The following ACTR3B variants were observed in gnomAD, a reference collection of about 807,000 sequenced individuals.
The protein encoded by ACTR3B is actin related protein 3B, also known as actin-related protein 3B.
In ACTR3B, 8 loss-of-function variants were observed where a neutral mutation model predicts 59.0. The observed-to-expected ratio is 0.14, with a 90% CI of 0.08 to 0.24. ACTR3B has a LOEUF of 0.24. Ranked by LOEUF, ACTR3B falls within the 10% of genes least tolerant of loss-of-function variation. The probability of loss-of-function intolerance (pLI) is 1.00; values close to 1 mark genes in which losing one functional copy is unlikely to be tolerated. For missense variants in ACTR3B, 245 were observed against 552.3 expected (o/e 0.44, Z 5.58); for synonymous variants, 148 against 197.9 (o/e 0.75, Z 2.12).
intron 9 of ACTR3B, 28 bp downstream of exon 9, chr7:152,825,150 G>A (rs776705537): frequency 1.9e-6 from 3 of 1,601,664 alleles, no homozygotes; most frequent in Non-Finnish European, 2.6e-6. Flanking sequence ...AAGGTACTTT[G>A]ATTTCATTCC....
chr7:152,799,587 G>A (rs2098228147), intron 2 of ACTR3B, among the ~76,000 whole-genome samples: 1 of 152,210 alleles, frequency 6.6e-6, no homozygotes, highest in Admixed American at 6.5e-5. Context: ...CTGATGTCAA[G>A]GAATCTATAG....
At chr7:152,847,519 C>T (rs576512308) in intron 9 of ACTR3B, among the ~76,000 whole-genome samples, 1 of 152,294 alleles carries the variant, frequency 6.6e-6, no homozygotes, top group African/African-American at 2.4e-5. Flanking sequence ...CCTTAGAAAC[C>T]CACACCCCTG....
intron 2 of ACTR3B, among the ~76,000 whole-genome samples, chr7:152,800,244 T>A (rs1348092625): frequency 1.3e-5 from 2 of 152,278 alleles, no homozygotes; most frequent in Non-Finnish European, 2.9e-5. Flanking sequence ...TCTTGAGGGA[T>A]TTTTCCAGAT....
At chr7:152,806,442 A>G (rs2098252332) in intron 4 of ACTR3B, among the ~76,000 whole-genome samples, 1 of 152,252 alleles carries the variant, frequency 6.6e-6, no homozygotes, top group Admixed American at 6.5e-5. Flanking sequence ...TAATAGAAGT[A>G]TAAAAGCAGT....
intron 9 of ACTR3B, among the ~76,000 whole-genome samples, chr7:152,842,197 T>C (rs1275243745): frequency 6.6e-6 from 1 of 152,212 alleles, no homozygotes; most frequent in African/African-American, 2.4e-5. Context: ...TATACGATCT[T>C]TTTTTCCTGT....
intron 2 of ACTR3B, among the ~76,000 whole-genome samples, chr7:152,797,624 T>C (rs2098221865): frequency 6.6e-6 from 1 of 152,184 alleles, no homozygotes; most frequent in Non-Finnish European, 1.5e-5. Flanking sequence ...TCTCTTGTAA[T>C]TTATTTCTCC....
At chr7:152,798,633 C>T (rs2098225225) in intron 2 of ACTR3B, among the ~76,000 whole-genome samples, 1 of 152,140 alleles carries the variant, frequency 6.6e-6, no homozygotes, top group African/African-American at 2.4e-5. Context: ...TTACCGTTTT[C>T]TTCTAATAGT....
intron 2 of ACTR3B, among the ~76,000 whole-genome samples, chr7:152,800,260 T>G (rs2098230843): frequency 6.6e-6 from 1 of 152,278 alleles, no homozygotes; most frequent in Non-Finnish European, 1.5e-5. Flanking sequence ...CAGATAAAAC[T>G]GAGAAATTTT....
At chr7:152,781,726 A>G (rs2098154567) in intron 1 of ACTR3B, among the ~76,000 whole-genome samples, 3 of 152,152 alleles carry the variant, frequency 2.0e-5, no homozygotes, top group Admixed American at 2.0e-4. Context: ...AAAATTGGGA[A>G]GGATCTGGAA....
intron 7 of ACTR3B, among the ~76,000 whole-genome samples, chr7:152,822,374 C>T (rs917256444): frequency 3.9e-5 from 6 of 152,186 alleles, no homozygotes; most frequent in Non-Finnish European, 5.9e-5. Flanking sequence ...TGCTGCTATG[C>T]GGAGGCCAGC....
rs374175682 is a variant in ACTR3B, at chr7:152,823,418, A to G, written c.761A>G (p.Lys254Arg). The G allele has an allele frequency of 6.8e-6, 11 of 1,614,154 alleles. No individual in the cohort carries two copies. The highest frequency in any genetic ancestry group is 5.3e-5 in the African/African-American group (4 of 74,952). ...GATGTGGATCCCCGGAAGTGGATCA[A>G]ACAGTACACGGGTATCAATGCGATC... ...KYDVDPRKWI[K>R]QYTGINAINQ... Residue 254 changes from lysine (K) to arginine (R), a missense_variant, in exon 8 of 12, where the codon AAA becomes AGA. Lys to Arg is a conservative substitution (Grantham distance 26). Coordinates refer to ENST00000256001, the MANE Select transcript of ACTR3B (RefSeq NM_020445.6).
intron 9 of ACTR3B, among the ~76,000 whole-genome samples, chr7:152,847,400 A>C (rs1798437262): frequency 6.6e-6 from 1 of 152,200 alleles, no homozygotes; most frequent in South Asian, 2.1e-4. Context: ...CTGAAGGAAG[A>C]AAGGAATTCA....
At position 152,779,285 on chromosome 7, in the gene ACTR3B, G is replaced by A. The variant is rs918124343; in HGVS notation, c.45-3902G>A. Among the ~76,000 whole-genome samples, 6 of 152,038 alleles carry A rather than the reference G, an allele frequency of 3.9e-5. No homozygotes were observed. In the East Asian group the frequency reaches 5.8e-4, roughly 15 times the overall value. On this transcript the variant is annotated intron_variant, in intron 1 of 11. Coordinates refer to ENST00000256001, the MANE Select transcript of ACTR3B (RefSeq NM_020445.6). ...GCACAGCCCCTGGGAATCTGTTTCC[G>A]GAGTTTCCCAGGTGATCTGGTCAGC...
At chr7:152,806,857 A>G (rs957528991) in intron 4 of ACTR3B, among the ~76,000 whole-genome samples, 9 of 152,188 alleles carry the variant, frequency 5.9e-5, no homozygotes, top group Admixed American at 5.9e-4. Context: ...GTCAGTCACA[A>G]ACTTGCAGTG....
At chr7:152,840,302 G>T (rs1590429455) in intron 9 of ACTR3B, among the ~76,000 whole-genome samples, 1 of 149,112 alleles carries the variant, frequency 6.7e-6, no homozygotes, top group East Asian at 2.1e-4. Flanking sequence ...TCCAGCCTCT[G>T]CATGGCCCAG....
At chr7:152,825,373 G>A (rs190966548) in intron 9 of ACTR3B, among the ~76,000 whole-genome samples, 50 of 152,258 alleles carry the variant, frequency 3.3e-4, no homozygotes, top group Admixed American at 5.9e-4. Context: ...GTGCAGTGGT[G>A]CGATCTCAGC....
chr7:152,816,799 A>G (rs1165650409), intron 6 of ACTR3B: 2 of 411,360 alleles, frequency 4.9e-6, no homozygotes, highest in African/African-American at 4.4e-5. Flanking sequence ...AGGATGGCCA[A>G]TTATTGTGGC....
At chr7:152,777,746 T>G (rs2098139719) in intron 1 of ACTR3B, among the ~76,000 whole-genome samples, 2 of 151,948 alleles carry the variant, frequency 1.3e-5, no homozygotes, top group African/African-American at 4.8e-5. Context: ...AGGCCAGGAG[T>G]TTGAGACCAG....
At chr7:152,775,081 A>T (rs1487098404) in intron 1 of ACTR3B, among the ~76,000 whole-genome samples, 2 of 150,706 alleles carry the variant, frequency 1.3e-5, no homozygotes, top group Non-Finnish European at 2.9e-5. Context: ...AGTCTTGGCC[A>T]CTCAGGAAGT....
Sources: gnomAD v4.1 joint callset for allele counts (sites outside exome capture counted in the v4.1 genomes callset) on GRCh38, gnomAD v4.1.1 for gene constraint, MANE v1.5 for transcripts, NCBI Gene and HGNC (gene_info 2026-07-23, HGNC 2026-07-21) for gene names.